The following CHST9 variants were observed in gnomAD, a reference collection of about 807,000 sequenced individuals.
CHST9 encodes the protein carbohydrate sulfotransferase 9.
Under a neutral mutation model 44.4 loss-of-function variants are expected in CHST9, and 41 were observed. The ratio of observed to expected loss-of-function variants is 0.92; its 90% CI spans 0.72 to 1.20. The LOEUF is 1.20. CHST9 is among the 50% of genes most tolerant of loss of function. The pLI, the probability that CHST9 is intolerant of heterozygous loss-of-function variation, is 0.00. For synonymous variants in CHST9, 171 were observed against 178.4 expected, an observed-to-expected ratio of 0.96 and a Z score of 0.33; for missense variants, 504 against 516.5, an observed-to-expected ratio of 0.98 and a Z score of 0.23.
At chr18:27,024,268 G>T in intron 3 of CHST9, 111 bp from the exon 4 acceptor site, 2 of 797,202 alleles carry the variant, frequency 2.5e-6, no homozygotes, top group Non-Finnish European at 4.0e-6. Context: ...TTGTAACAAG[G>T]AAAATGATGG....
At chr18:27,047,597 C>G (rs1181709557) in intron 3 of CHST9, among the ~76,000 whole-genome samples, 1 of 152,060 alleles carries the variant, frequency 6.6e-6, no homozygotes, top group Non-Finnish European at 1.5e-5. Context: ...TCTTTGTCTT[C>G]TATTGACTAT....
At chr18:27,100,667 G>C (rs975889258) in intron 2 of CHST9, among the ~76,000 whole-genome samples, 1 of 152,142 alleles carries the variant, frequency 6.6e-6, no homozygotes, top group African/African-American at 2.4e-5. Flanking sequence ...ATAAGTTAAT[G>C]TACAAAAATG....
intron 4 of CHST9, among the ~76,000 whole-genome samples, chr18:26,976,850 A>G (rs1276940062): frequency 6.6e-6 from 1 of 152,116 alleles, no homozygotes; most frequent in East Asian, 1.9e-4. Context: ...AGAGTTTAGT[A>G]GAAGGAAAAA....
At chr18:27,082,865 T>C (rs562312165) in intron 2 of CHST9, among the ~76,000 whole-genome samples, 1 of 152,120 alleles carries the variant, frequency 6.6e-6, no homozygotes, top group Non-Finnish European at 1.5e-5. Context: ...TACGTGCAAT[T>C]TGTTAGGTTT....
chr18:27,176,932 G>A (rs1368354704), intron 1 of CHST9, among the ~76,000 whole-genome samples: 1 of 152,038 alleles, frequency 6.6e-6, no homozygotes, highest in African/African-American at 2.4e-5. Flanking sequence ...TATATTTATA[G>A]GTTGAAGTTA....
chr18:27,155,737 T>C (rs554072564), intron 1 of CHST9, among the ~76,000 whole-genome samples: 1 of 152,302 alleles, frequency 6.6e-6, no homozygotes, highest in East Asian at 1.9e-4. Flanking sequence ...ATCAGTTTAA[T>C]CATCCTCTCC....
chr18:27,009,557 T>C lies in CHST9; in HGVS notation c.202+14559A>G, dbSNP rs1372715358. On this transcript the variant is annotated intron_variant, in intron 4 of 5. Transcript: ENST00000618847. ...CCCTTCTTTCAGTTCAGAATTAAAA[T>C]ATTATAGATAGGTGGGTGAAGTAAT... Among the ~76,000 whole-genome samples the C allele has an allele frequency of 2.0e-5, 3 of 152,186 alleles. No individual in the cohort carries two copies. The East Asian group carries it at 5.8e-4, about 29-fold the overall frequency.
At chr18:26,948,414 A>G (rs2056196507) in intron 4 of CHST9, among the ~76,000 whole-genome samples, 1 of 152,122 alleles carries the variant, frequency 6.6e-6, no homozygotes, top group African/African-American at 2.4e-5. Flanking sequence ...TCATACACAG[A>G]TTTGCATTTT....
chr18:27,066,448 T>C (rs1294542153), intron 2 of CHST9, among the ~76,000 whole-genome samples: 3 of 152,238 alleles, frequency 2.0e-5, no homozygotes, highest in Admixed American at 6.5e-5. Context: ...AAAATAACTA[T>C]GATTCTGTTT....
chr18:27,107,946 C>T (rs76268292), intron 2 of CHST9, among the ~76,000 whole-genome samples: 2,745 of 152,260 alleles, frequency 0.018, 73 homozygotes, highest in African/African-American at 0.061. Context: ...CTCAATCTCA[C>T]GTCCACGTTA....
In CHST9 at chr18:27,165,623, A is replaced by G. The variant is rs578048275; in HGVS notation, c.-97+19513T>C. The stretch of plus-strand genomic sequence containing the variant: ...TAACCAGCAGAGCCAGAATCCAAAC[A>G]TAGGCTTGTCTGTCTCCAAATTACA... On this transcript the variant is annotated intron_variant, in intron 1 of 5. Transcript: ENST00000618847. Among the ~76,000 whole-genome samples, 12 of 152,320 alleles carry G rather than the reference A, an allele frequency of 7.9e-5. No individual in the cohort carries two copies. In the South Asian group the frequency reaches 2.5e-3, roughly 32 times the overall value.
At chr18:27,163,322 C>A (rs537893378) in intron 1 of CHST9, among the ~76,000 whole-genome samples, 1 of 152,168 alleles carries the variant, frequency 6.6e-6, no homozygotes, top group South Asian at 2.1e-4. Flanking sequence ...CTAGGAGAAC[C>A]GCTACTCTCT....
Position 26,916,640 on chromosome 18 carries a change from G to A in CHST9, c.951C>T (p.Ala317=), listed in dbSNP as rs1235355694. 4 of 1,613,836 alleles carry A rather than the reference G, an allele frequency of 2.5e-6. No individual in the cohort carries two copies. In the East Asian group the frequency reaches 8.9e-5, roughly 36 times the overall value. ...ATCCATTAATTAATGCTTCTTCACA[G>A]GCATTTGGTCGATATTTCTTGATAA... is the stretch of plus-strand genomic sequence containing the variant. ...KAIIKKYRPN[A]CEEALINGSG... Residue 317 remains alanine, a synonymous_variant, in exon 6 of 6, where the codon GCC becomes GCT. Transcript: ENST00000618847.
At chr18:27,180,082 A>T (rs1187358373) in intron 1 of CHST9, among the ~76,000 whole-genome samples, 1 of 152,112 alleles carries the variant, frequency 6.6e-6, no homozygotes, top group African/African-American at 2.4e-5. Flanking sequence ...AATTTTCCCT[A>T]TACCATTAAC....
chr18:27,010,429 A>G (rs911295594), intron 4 of CHST9, among the ~76,000 whole-genome samples: 1 of 152,202 alleles, frequency 6.6e-6, no homozygotes, highest in Non-Finnish European at 1.5e-5. Context: ...AAATCAAGAC[A>G]GTTGTTGTCT....
chr18:27,176,433 T>A (rs968133753), intron 1 of CHST9, among the ~76,000 whole-genome samples: 1 of 152,096 alleles, frequency 6.6e-6, no homozygotes, highest in Admixed American at 6.5e-5. Flanking sequence ...TTTTTGTAAT[T>A]AATTTTGGAG....
intron 4 of CHST9, among the ~76,000 whole-genome samples, chr18:26,947,630 CAACA>C (rs898756960): frequency 6.6e-6 from 1 of 152,080 alleles, no homozygotes; most frequent in African/African-American, 2.4e-5. Flanking sequence ...TTTATGCAGC[CAACA>C]AACATATGAA....
Position 27,054,267 on chromosome 18 carries a change from T to C in CHST9, c.122-5764A>G, listed in dbSNP as rs975394076. ...ACTATTATATTAGAAAAGTGGGTGATAAAATAATAGAAAGGCTTTCAGAAT... is the reference window on the plus strand; with the variant it reads ...ACTATTATATTAGAAAAGTGGGTGACAAAATAATAGAAAGGCTTTCAGAAT... On this transcript the variant is annotated intron_variant, in intron 2 of 5. Coordinates refer to ENST00000618847, the MANE Select transcript of CHST9 (RefSeq NM_031422.6). Among the ~76,000 whole-genome samples, 3 of 152,202 alleles carry C rather than the reference T, an allele frequency of 2.0e-5. No homozygotes were observed. The East Asian group carries it at 5.8e-4, about 29-fold the overall frequency.
At chr18:27,183,153 A>G (rs1269870308) in intron 1 of CHST9, among the ~76,000 whole-genome samples, 1 of 152,136 alleles carries the variant, frequency 6.6e-6, no homozygotes, top group African/African-American at 2.4e-5. Context: ...TTTTTACTGG[A>G]GTATACACCA....
Sources: allele counts gnomAD v4.1 joint callset (sites outside exome capture counted in the v4.1 genomes callset), GRCh38; gene constraint gnomAD v4.1.1; transcripts MANE v1.5; gene names NCBI Gene and HGNC (gene_info 2026-07-23, HGNC 2026-07-21).